The following TAFA4 variants were observed in gnomAD, a reference collection of about 807,000 sequenced individuals.
TAFA4 encodes TAFA chemokine like family member 4.
Under a neutral mutation model 21.1 loss-of-function variants are expected in TAFA4, and 20 were observed. That is an observed-to-expected ratio of 0.95 (90% CI 0.67 to 1.38). The LOEUF (loss-of-function observed/expected upper bound fraction) is 1.38. TAFA4 is among the 40% of genes most tolerant of loss of function. TAFA4 has a pLI of 0.00. For missense variants in TAFA4, 211 were observed against 180.9 expected (o/e 1.17, Z -0.95); for synonymous variants, 71 against 67.4 (o/e 1.05, Z -0.26).
At chr3:68,868,422 A>T (rs7621027) in intron 3 of TAFA4, among the ~76,000 whole-genome samples, 4,568 of 152,122 alleles carry the variant, frequency 0.03, 236 homozygotes, top group African/African-American at 0.1. Flanking sequence ...TTTACAGAAC[A>T]TTTCATCCAG....
chr3:68,854,190 A>G (rs1394382975), intron 3 of TAFA4, among the ~76,000 whole-genome samples: 1 of 152,056 alleles, frequency 6.6e-6, no homozygotes, highest in Non-Finnish European at 1.5e-5. Flanking sequence ...CAATGGAGGA[A>G]TGACCATGAA....
intron 1 of TAFA4, among the ~76,000 whole-genome samples, chr3:68,923,399 G>A (rs1472458171): frequency 2.0e-5 from 3 of 152,100 alleles, no homozygotes; most frequent in Non-Finnish European, 2.9e-5. Context: ...TCTGCCTACT[G>A]TCTCTGTAAA....
intron 3 of TAFA4, among the ~76,000 whole-genome samples, chr3:68,844,241 C>G (rs1271682423): frequency 6.6e-6 from 1 of 152,058 alleles, no homozygotes. Flanking sequence ...CTGTTTTAGT[C>G]TTGGGAGGGT....
At chr3:68,853,361 A>G (rs950274430) in intron 3 of TAFA4, among the ~76,000 whole-genome samples, 4 of 152,036 alleles carry the variant, frequency 2.6e-5, no homozygotes, top group Non-Finnish European at 4.4e-5. Context: ...CTTACCTTCA[A>G]ATCTATTTTA....
chr3:68,843,344 T>C (rs1045573471), intron 3 of TAFA4, among the ~76,000 whole-genome samples: 2 of 152,212 alleles, frequency 1.3e-5, no homozygotes, highest in East Asian at 1.9e-4. Context: ...TATTGGTGTA[T>C]AGTAATGCCT....
chr3:68,759,887 G>T (rs1009357041), intron 3 of TAFA4, among the ~76,000 whole-genome samples: 1 of 152,066 alleles, frequency 6.6e-6, no homozygotes, highest in South Asian at 2.1e-4. Context: ...TGGGCAGATG[G>T]GGGGTAGATG....
At chr3:68,748,502 G>A (rs1468534760) in intron 4 of TAFA4, among the ~76,000 whole-genome samples, 1 of 152,164 alleles carries the variant, frequency 6.6e-6, no homozygotes, top group African/African-American at 2.4e-5. Context: ...CAGCACTTTG[G>A]GAGGCCAAGG....
At chr3:68,854,472 T>C (rs907315701) in intron 3 of TAFA4, among the ~76,000 whole-genome samples, 3 of 152,114 alleles carry the variant, frequency 2.0e-5, no homozygotes, top group African/African-American at 7.2e-5. Flanking sequence ...ACATTTTCAC[T>C]AATGGTCAAA....
intron 3 of TAFA4, among the ~76,000 whole-genome samples, chr3:68,773,228 T>C (rs1439944386): frequency 6.6e-6 from 1 of 152,180 alleles, no homozygotes; most frequent in African/African-American, 2.4e-5. Flanking sequence ...GTCCCTCAGC[T>C]TTGATAATTC....
intron 3 of TAFA4, among the ~76,000 whole-genome samples, chr3:68,819,580 A>G (rs1181092943): frequency 6.6e-6 from 1 of 152,230 alleles, no homozygotes; most frequent in Non-Finnish European, 1.5e-5. Flanking sequence ...TAACCAAAAT[A>G]TATAAGAACT....
intron 3 of TAFA4, among the ~76,000 whole-genome samples, chr3:68,769,835 G>A (rs1427977376): frequency 1.3e-5 from 2 of 152,050 alleles, no homozygotes; most frequent in Non-Finnish European, 2.9e-5. Context: ...ATAAGGGCAG[G>A]GAACACAACT....
At chr3:68,880,590 C>T (rs1470586331) in intron 3 of TAFA4, 140 bp downstream of exon 3, 1 of 645,662 alleles carries the variant, frequency 1.5e-6, no homozygotes, top group African/African-American at 1.8e-5. Context: ...AACTGTGTTA[C>T]TCCGCCATAT....
chr3:68,760,250 AATAC>A (rs1279772555), intron 3 of TAFA4, among the ~76,000 whole-genome samples: 3 of 152,228 alleles, frequency 2.0e-5, no homozygotes, highest in African/African-American at 7.2e-5. Context: ...AAATAGCTTA[AATAC>A]ATATCATTTT....
chr3:68,898,754 G>A (rs1187821609), intron 1 of TAFA4, among the ~76,000 whole-genome samples: 1 of 152,170 alleles, frequency 6.6e-6, no homozygotes, highest in Non-Finnish European at 1.5e-5. Flanking sequence ...ACCCTGTAAG[G>A]AAGTCTGTTT....
intron 5 of TAFA4, among the ~76,000 whole-genome samples, chr3:68,736,579 C>T (rs199608605): frequency 6.6e-6 from 1 of 152,238 alleles, no homozygotes; most frequent in East Asian, 1.9e-4. Context: ...TGTGCATGAA[C>T]TATTTAAAGA....
chr3:68,878,734 T>C (rs2106947509), intron 3 of TAFA4, among the ~76,000 whole-genome samples: 1 of 152,302 alleles, frequency 6.6e-6, no homozygotes, highest in African/African-American at 2.4e-5. Context: ...AAATAGACTT[T>C]AAAAACAACA....
chr3:68,882,581 G>A (rs1327352007), intron 2 of TAFA4, among the ~76,000 whole-genome samples: 5 of 152,254 alleles, frequency 3.3e-5, no homozygotes, highest in Middle Eastern at 6.8e-3. Flanking sequence ...TGGGTAAGAG[G>A]AATAAGCCTT....
chr3:68,866,365 T>C (rs556193933), intron 3 of TAFA4, among the ~76,000 whole-genome samples: 4 of 151,932 alleles, frequency 2.6e-5, no homozygotes, highest in South Asian at 4.2e-4. Context: ...TCAGGCACCA[T>C]CTAGTGCCAA....
At chr3:68,734,166 T>TA (rs1702199706) in intron 5 of TAFA4, among the ~76,000 whole-genome samples, 1 of 152,218 alleles carries the variant, frequency 6.6e-6, no homozygotes, top group South Asian at 2.1e-4. Context: ...GTATAGATGG[T>TA]AAAATCTGAA....
Sources: gnomAD v4.1 joint callset for allele counts (sites outside exome capture counted in the v4.1 genomes callset) on GRCh38, gnomAD v4.1.1 for gene constraint, MANE v1.5 for transcripts, NCBI Gene and HGNC (gene_info 2026-07-23, HGNC 2026-07-21) for gene names.